Variants in PID1 observed in about 807,000 individuals in gnomAD.
PID1 encodes PTB-containing, cubilin and LRP1-interacting protein.
A neutral mutation model predicts 19.1 loss-of-function variants in PID1; 10 were observed. The ratio of observed to expected loss-of-function variants is 0.52; its 90% CI spans 0.32 to 0.89. The LOEUF is 0.89. PID1 is among the 40% of genes least tolerant of loss of function. PID1 has a pLI of 0.03. For missense variants in PID1, 248 were observed against 285.3 expected (o/e 0.87, Z 0.94); for synonymous variants, 130 against 116.0 (o/e 1.12, Z -0.78).
At chr2:229,208,428 C>A (rs150261840) in intron 1 of PID1, among the ~76,000 whole-genome samples, 1 of 152,154 alleles carries the variant, frequency 6.6e-6, no homozygotes, top group African/African-American at 2.4e-5. Flanking sequence ...TATATCCCTG[C>A]CCTTTGGTTT....
chr2:229,121,394 A>G (rs2106158540), intron 2 of PID1, among the ~76,000 whole-genome samples: 1 of 152,324 alleles, frequency 6.6e-6, no homozygotes, highest in African/African-American at 2.4e-5. Flanking sequence ...TGTTCTACAC[A>G]TTCTGACAAT....
intron 2 of PID1, among the ~76,000 whole-genome samples, chr2:229,075,705 T>C (rs1303831856): frequency 6.6e-6 from 1 of 152,122 alleles, no homozygotes; most frequent in African/African-American, 2.4e-5. Context: ...TTCTCTGATG[T>C]TTTCCTCCAT....
intron 1 of PID1, among the ~76,000 whole-genome samples, chr2:229,234,830 T>G (rs1692290479): frequency 6.6e-6 from 1 of 152,144 alleles, no homozygotes; most frequent in African/African-American, 2.4e-5. Flanking sequence ...GGACCTATTG[T>G]GAAAGACCAT....
At chr2:229,255,979 T>C (rs935498502) in intron 1 of PID1, among the ~76,000 whole-genome samples, 22 of 152,324 alleles carry the variant, frequency 1.4e-4, no homozygotes, top group African/African-American at 5.3e-4. Context: ...TGAATGGTGC[T>C]AAACAAGTAA....
chr2:229,116,623 G>A (rs1312340356), intron 2 of PID1, among the ~76,000 whole-genome samples: 1 of 152,064 alleles, frequency 6.6e-6, no homozygotes, highest in Admixed American at 6.5e-5. Context: ...GCACAAGCTC[G>A]CTCCTGCCCA....
intron 1 of PID1, among the ~76,000 whole-genome samples, chr2:229,177,187 C>T (rs1690841467): frequency 6.6e-6 from 1 of 152,162 alleles, no homozygotes; most frequent in Non-Finnish European, 1.5e-5. Context: ...CTACCAAGCC[C>T]CTCTCACAAC....
At chr2:229,185,069 T>TATATCCTAC (rs1691095668) in intron 1 of PID1, among the ~76,000 whole-genome samples, 3 of 139,810 alleles carry the variant, frequency 2.1e-5, no homozygotes, top group African/African-American at 8.0e-5. Flanking sequence ...ATCCTCCATA[T>TATATCCTAC]ATATATATCC....
At chr2:229,089,628 T>C (rs945357651) in intron 2 of PID1, among the ~76,000 whole-genome samples, 1 of 152,188 alleles carries the variant, frequency 6.6e-6, no homozygotes, top group Non-Finnish European at 1.5e-5. Context: ...GCGTATTAAT[T>C]AACTGCAGAG....
intron 2 of PID1, among the ~76,000 whole-genome samples, chr2:229,045,180 C>A (rs1000226753): frequency 1.3e-5 from 2 of 152,174 alleles, no homozygotes; most frequent in Non-Finnish European, 2.9e-5. Flanking sequence ...TGTCCAACTC[C>A]TGACTTCAAA....
chr2:229,184,372 A>ATATATATCTATCCCG lies in PID1; in HGVS notation c.31-28423_31-28409dup, dbSNP rs1169057164. On this transcript the variant is annotated intron_variant, in intron 1 of 2. Transcript: ENST00000392055. The stretch of plus-strand genomic sequence containing the variant: ...TATATATATCACACATATATATCCC[A>ATATATATCTATCCCG]TATATATCTATCCCGTATATATCTA... Among the ~76,000 whole-genome samples, 70 of 127,830 alleles carry ATATATATCTATCCCG rather than the reference A, an allele frequency of 5.5e-4. 21 individuals carry two copies. The highest frequency in any genetic ancestry group is 1.7e-3 in the African/African-American group (55 of 33,062). 83.9% of individuals were successfully genotyped at this position (127,830 alleles called of 152,430 possible). A position where few individuals can be genotyped will look rare whatever the true frequency, so the allele number is the denominator to read the frequency against.
rs59302884 is a variant in PID1, at chr2:229,114,113, T to TTCTC, written c.177+41701_177+41704dup. On this transcript the variant is annotated intron_variant, in intron 2 of 2. Transcript: ENST00000392055. ...TGGACTTGCCAGCATCTCTCTCTCT[T>TTCTC]TCTCTCTCTCTCTCTCTCTCTTTCT... 1.7e-4 allele frequency among the ~76,000 whole-genome samples: 24 copies of TTCTC among 138,968 alleles called. No individual in the cohort carries two copies. In the Middle Eastern group the frequency reaches 0.012, roughly 67 times the overall value. The allele number at this position is 138,968 out of a possible 152,430, so 91.2% of individuals were successfully genotyped here. A position where few individuals can be genotyped will look rare whatever the true frequency, so the allele number is the denominator to read the frequency against.
chr2:229,161,578 C>T (rs546924547), intron 1 of PID1, among the ~76,000 whole-genome samples: 17 of 152,296 alleles, frequency 1.1e-4, no homozygotes, highest in African/African-American at 2.6e-4. Context: ...TGCATGGTAA[C>T]GTTATCTCTT....
intron 2 of PID1, among the ~76,000 whole-genome samples, chr2:229,048,628 C>T (rs150247368): frequency 3.9e-5 from 6 of 152,272 alleles, no homozygotes; most frequent in African/African-American, 1.2e-4. Flanking sequence ...TAGGCTGCAG[C>T]TCTGGTGGGG....
At chr2:229,245,467 T>G (rs1386669987) in intron 1 of PID1, among the ~76,000 whole-genome samples, 1 of 152,136 alleles carries the variant, frequency 6.6e-6, no homozygotes, top group Admixed American at 6.6e-5. Flanking sequence ...CCTGAAGGTA[T>G]GAAGATGCTA....
chr2:229,110,939 T>C (rs1246136835), intron 2 of PID1, among the ~76,000 whole-genome samples: 2 of 152,130 alleles, frequency 1.3e-5, no homozygotes, highest in African/African-American at 4.8e-5. Context: ...ATAATTCCCA[T>C]GTGTTGTGGG....
intron 2 of PID1, among the ~76,000 whole-genome samples, chr2:229,094,932 C>T (rs1200690731): frequency 6.6e-6 from 1 of 152,074 alleles, no homozygotes; most frequent in Non-Finnish European, 1.5e-5. Context: ...TTAGTATGGG[C>T]CAAGTGCCAT....
chr2:229,088,899 T>C (rs543952772), intron 2 of PID1, among the ~76,000 whole-genome samples: 1 of 152,198 alleles, frequency 6.6e-6, no homozygotes, highest in Non-Finnish European at 1.5e-5. Flanking sequence ...CACAGTAGCT[T>C]ATACTGTTAG....
At chr2:229,033,757 C>T (rs955549819) in intron 2 of PID1, among the ~76,000 whole-genome samples, 1 of 152,156 alleles carries the variant, frequency 6.6e-6, no homozygotes, top group African/African-American at 2.4e-5. Flanking sequence ...CATAAAATAA[C>T]ATGATAGGAA....
At chr2:229,165,904 G>C (rs1377601996) in intron 1 of PID1, among the ~76,000 whole-genome samples, 1 of 152,092 alleles carries the variant, frequency 6.6e-6, no homozygotes, top group African/African-American at 2.4e-5. Flanking sequence ...TAGAATGGAT[G>C]AGTTTAGCAA....
Sources: allele counts gnomAD v4.1 joint callset (sites outside exome capture counted in the v4.1 genomes callset), GRCh38; gene constraint gnomAD v4.1.1; transcripts MANE v1.5; gene names NCBI Gene and HGNC (gene_info 2026-07-23, HGNC 2026-07-21).